VWA5B1: variants seen among roughly 807,000 people sequenced by gnomAD.
The protein encoded by VWA5B1 is von Willebrand factor A domain containing 5B1.
In VWA5B1, 115 loss-of-function variants were observed where a neutral mutation model predicts 118.2. That is an observed-to-expected ratio of 0.97 (90% CI 0.84 to 1.14). The LOEUF is 1.14. Ranked by LOEUF, VWA5B1 falls within the 50% of genes most tolerant of loss-of-function variation. VWA5B1 has a pLI of 0.00. For missense variants in VWA5B1, 1,596 were observed against 1,603.8 expected, an observed-to-expected ratio of 1.00 and a Z score of 0.08; for synonymous variants, 682 against 658.4, an observed-to-expected ratio of 1.04 and a Z score of -0.55.
chr1:20,323,517 C>T lies in VWA5B1; in HGVS notation c.1128C>T (p.Ser376=). ...GGAGCAGCAGCATGAGCGGGATCAG[C>T]ATGCACCGAGTCAAGGTACCTGCTG... is the stretch of plus-strand genomic sequence containing the variant. The part of the protein sequence containing the change: ...IDRSSSMSGI[S]MHRVKDAMLV... The change falls in exon 8 of 22, where the codon AGC becomes AGT. Residue 376 remains serine, a synonymous_variant. Coordinates refer to ENST00000289815, the MANE Select transcript of VWA5B1 (RefSeq NM_001039500.3). The T allele has an allele frequency of 2.0e-6, 3 of 1,483,738 alleles. No homozygotes were observed. Among genetic ancestry groups the T allele is most frequent in the Non-Finnish European group, 2.7e-6 (3 of 1,113,822 alleles). 91.9% of individuals were successfully genotyped at this position (1,483,738 alleles called of 1,614,324 possible). A position where few individuals can be genotyped will look rare whatever the true frequency, so the allele number is the denominator to read the frequency against.
At chr1:20,317,858 C>T (rs952973093) in intron 5 of VWA5B1, among the ~76,000 whole-genome samples, 183 bp downstream of exon 5, 4 of 151,942 alleles carry the variant, frequency 2.6e-5, no homozygotes, top group African/African-American at 9.7e-5. Context: ...TAAGTCCCTT[C>T]CCAGGATGGA....
intron 14 of VWA5B1, among the ~76,000 whole-genome samples, chr1:20,340,433 T>C (rs1324546534): frequency 1.3e-5 from 2 of 151,988 alleles, no homozygotes; most frequent in Non-Finnish European, 2.9e-5. Context: ...GTCCCCTCCT[T>C]CTCCCACATC....
intron 18 of VWA5B1, chr1:20,349,146 A>T: frequency 2.4e-6 from 1 of 416,494 alleles, no homozygotes; most frequent in Non-Finnish European, 4.9e-6. Context: ...ACAAAAACAG[A>T]AACAGAACAC....
chr1:20,326,395 A>T (rs549795317), intron 8 of VWA5B1, among the ~76,000 whole-genome samples: 5 of 151,994 alleles, frequency 3.3e-5, no homozygotes, highest in Non-Finnish European at 7.4e-5. Flanking sequence ...GGTGAGGGGG[A>T]GACAGACCTT....
At chr1:20,313,779 AG>A (rs1333583590) in intron 3 of VWA5B1, among the ~76,000 whole-genome samples, 1 of 152,176 alleles carries the variant, frequency 6.6e-6, no homozygotes, top group Admixed American at 6.5e-5. Context: ...ACAGTCTGAA[AG>A]GCTAGTTAGG....
chr1:20,353,933 G>A lies in VWA5B1; in HGVS notation c.3318G>A (p.Pro1106=), dbSNP rs568983442. The A allele has an allele frequency of 2.1e-5, 33 of 1,550,366 alleles. No homozygotes were observed. Among genetic ancestry groups the A allele is most frequent in the Admixed American group, 1.8e-4 (9 of 50,922 alleles). ...TPSPQLCTSS[P]PRHPSCDSFS... ...GTCCCCAGCTGTGCACCAGCTCCCC[G>A]CCTAGGCACCCGTCCTGTGACAGCT... Residue 1106 remains proline (P), a synonymous_variant, in exon 22 of 22, where the codon CCG becomes CCA. Coordinates refer to ENST00000289815, the MANE Select transcript of VWA5B1 (RefSeq NM_001039500.3).
rs1233382514 is a variant in VWA5B1, at chr1:20,323,336, A to G, written c.967-20A>G. 3.5e-6 allele frequency: 5 copies of G among 1,432,922 alleles called. No homozygotes were observed. The highest frequency in any genetic ancestry group is 4.6e-6 in the Non-Finnish European group (5 of 1,086,236). The allele number at this position is 1,432,922 out of a possible 1,614,324, so 88.8% of individuals were successfully genotyped here. ...CTCTTGACCCTGATTGCCCAATCAG[A>G]GTGTTCTTTCCTCTTCCAGACAGAA... On this transcript the variant is annotated intron_variant, in intron 7 of 21. Transcript: ENST00000289815.
In VWA5B1 at chr1:20,327,994, CA is replaced by C; in HGVS notation, c.1249del (p.Ser417ValfsTer15). On this transcript the variant is annotated frameshift_variant, in exon 9 of 22. Transcript: ENST00000289815. LOFTEE classifies it high-confidence loss of function. The part of the protein sequence containing the change: ...KSLFPSSQTY[S>X]EDSLAMACDD... ...GCCTTTTTCCTTCCAGCCAGACCTACAGTGAGGTAATGAGGGGGCAAGGCTG... is the reference window on the plus strand; with the variant it reads ...GCCTTTTTCCTTCCAGCCAGACCTACGTGAGGTAATGAGGGGGCAAGGCTG... The C allele has an allele frequency of 6.4e-7, 1 of 1,551,304 alleles. No individual in the cohort carries two copies. Among genetic ancestry groups the C allele is most frequent in the South Asian group, 1.2e-5 (1 of 84,030 alleles).
At chr1:20,325,752 G>T (rs1013715321) in intron 8 of VWA5B1, among the ~76,000 whole-genome samples, 3 of 152,162 alleles carry the variant, frequency 2.0e-5, no homozygotes, top group African/African-American at 7.2e-5. Context: ...TTGCATTGGT[G>T]CCATCCATTC....
At chr1:20,314,229 G>A in intron 3 of VWA5B1, 93 bp from the exon 4 acceptor site, 4 of 1,339,758 alleles carry the variant, frequency 3.0e-6, no homozygotes, top group Middle Eastern at 1.9e-4. Context: ...TTTCCCATCA[G>A]CAAAATGGGC....
At chr1:20,315,359 A>C (rs1038056264) in intron 4 of VWA5B1, among the ~76,000 whole-genome samples, 1 of 152,210 alleles carries the variant, frequency 6.6e-6, no homozygotes, top group Non-Finnish European at 1.5e-5. Context: ...ACAAGGAACC[A>C]TTAAGAGGGT....
Position 20,358,493 on chromosome 1 carries a change from C to G in VWA5B1, c.*4230C>G, listed in dbSNP as rs188296321. Among the ~76,000 whole-genome samples the G allele has an allele frequency of 2.0e-5, 3 of 152,176 alleles. No individual in the cohort carries two copies. The highest frequency in any genetic ancestry group is 3.9e-4 in the East Asian group (2 of 5,186). On this transcript the variant is annotated 3_prime_UTR_variant, in exon 22 of 22. Coordinates refer to ENST00000289815, the MANE Select transcript of VWA5B1 (RefSeq NM_001039500.3). ...CCTATCTGTGTACAGTCTGCCCCCCCACCCTGCAATTGCCTGCCCCATTGA... is the reference window on the plus strand; with the variant it reads ...CCTATCTGTGTACAGTCTGCCCCCCGACCCTGCAATTGCCTGCCCCATTGA...
intron 1 of VWA5B1, among the ~76,000 whole-genome samples, chr1:20,307,028 A>G (rs972074932): frequency 1.3e-5 from 2 of 151,828 alleles, no homozygotes; most frequent in Non-Finnish European, 2.9e-5. Context: ...GCTCCACTCA[A>G]TCCCTTTCTG....
At chr1:20,337,229 G>A (rs1230993970) in intron 13 of VWA5B1, among the ~76,000 whole-genome samples, 2 of 152,158 alleles carry the variant, frequency 1.3e-5, no homozygotes, top group Non-Finnish European at 2.9e-5. Context: ...CTGGATTCAA[G>A]CAATTCTCAT....
In VWA5B1 at chr1:20,356,136, A is replaced by G. The variant is rs2090225812; in HGVS notation, c.*1873A>G. Reference sequence around the variant, plus strand: ...CCCTGCCAAAATCACTTCTTTAGCTATGCAGGCAGCAGCCTCAGCTTCAGG... The same window carrying G: ...CCCTGCCAAAATCACTTCTTTAGCTGTGCAGGCAGCAGCCTCAGCTTCAGG... On this transcript the variant is annotated 3_prime_UTR_variant, in exon 22 of 22. Coordinates refer to ENST00000289815, the MANE Select transcript of VWA5B1 (RefSeq NM_001039500.3). 6.6e-6 allele frequency among the ~76,000 whole-genome samples: 1 copy of G among 152,212 alleles called. No individual in the cohort carries two copies. Among genetic ancestry groups the G allele is most frequent in the African/African-American group, 2.4e-5 (1 of 41,458 alleles).
chr1:20,349,423 C>T (rs2090077448), intron 18 of VWA5B1: 1 of 148,814 alleles, frequency 6.7e-6, no homozygotes. Context: ...TCACTCTGTC[C>T]CCCAGGCTGG....
chr1:20,302,971 T>C (rs1201036813), intron 1 of VWA5B1: 1 of 152,216 alleles, frequency 6.6e-6, no homozygotes, highest in Non-Finnish European at 1.5e-5. Context: ...TGGCTGGATA[T>C]AGGCCTACGC....
Position 20,292,638 on chromosome 1 carries a change from C to CGT in VWA5B1, c.-27+1564_-27+1565dup, listed in dbSNP as rs149823325. Among the ~76,000 whole-genome samples, 1,332 of 151,614 alleles carry CGT rather than the reference C, an allele frequency of 8.8e-3. 6 individuals carry two copies. Among genetic ancestry groups the CGT allele is most frequent in the Middle Eastern group, 0.017 (5 of 292 alleles). ...AGGGATTTAAGAGTGCAGTGGCATG[C>CGT]GTGTGTGTGTGTGTGCACACGTGTG... is the stretch of plus-strand genomic sequence containing the variant. On this transcript the variant is annotated intron_variant, in intron 1 of 21. Transcript: ENST00000289815.
At chr1:20,345,996 A>G (rs190788370) in intron 17 of VWA5B1, among the ~76,000 whole-genome samples, 2 of 152,368 alleles carry the variant, frequency 1.3e-5, no homozygotes, top group South Asian at 2.1e-4. Context: ...ACTTCTCTCT[A>G]TGGATATCAG....
Sources: gnomAD v4.1 joint callset for allele counts (sites outside exome capture counted in the v4.1 genomes callset) on GRCh38, gnomAD v4.1.1 for gene constraint, MANE v1.5 for transcripts, NCBI Gene and HGNC (gene_info 2026-07-23, HGNC 2026-07-21) for gene names.